NBEAL1: variants seen among roughly 807,000 people sequenced by gnomAD.
NBEAL1 encodes the protein neurobeachin like 1.
A neutral mutation model predicts 351.3 loss-of-function variants in NBEAL1; 273 were observed. That is an observed-to-expected ratio of 0.78 (90% CI 0.70 to 0.86). NBEAL1 has a LOEUF of 0.86. Among genes scored for constraint, NBEAL1 ranks in the 40% least tolerant of loss-of-function variants. The pLI, the probability that NBEAL1 is intolerant of heterozygous loss-of-function variation, is 0.00. For synonymous variants in NBEAL1, 1,050 were observed against 1,086.4 expected (o/e 0.97, Z 0.66); for missense variants, 2,961 against 3,201.3 (o/e 0.92, Z 1.81).
At chr2:203,066,776 C>T (rs1022646265) in intron 6 of NBEAL1, among the ~76,000 whole-genome samples, 42 of 144,858 alleles carry the variant, frequency 2.9e-4, no homozygotes, top group South Asian at 1.1e-3. Flanking sequence ...ACTTCCCAGA[C>T]GGGGCGGCCG....
chr2:203,165,542 C>T (rs2106392199), intron 36 of NBEAL1, among the ~76,000 whole-genome samples: 1 of 152,266 alleles, frequency 6.6e-6, no homozygotes, highest in Non-Finnish European at 1.5e-5. Flanking sequence ...CCTTATTTTT[C>T]AGCTGTCCTC....
At chr2:203,046,897 G>A (rs1401005458) in intron 3 of NBEAL1, among the ~76,000 whole-genome samples, 1 of 152,136 alleles carries the variant, frequency 6.6e-6, no homozygotes, top group African/African-American at 2.4e-5. Flanking sequence ...CATATAGGTC[G>A]GATGCAGTGG....
At chr2:203,210,671 AAAG>A (rs1354053937) in intron 53 of NBEAL1, among the ~76,000 whole-genome samples, 1 of 152,168 alleles carries the variant, frequency 6.6e-6, no homozygotes, top group East Asian at 1.9e-4. Context: ...CTCAAAAGAA[AAAG>A]AATTTTTTTC....
chr2:203,211,210 T>C, intron 54 of NBEAL1, 104 bp downstream of exon 54: 1 of 849,904 alleles, frequency 1.2e-6, no homozygotes, highest in Non-Finnish European at 1.6e-6. Context: ...TGGTTTATCA[T>C]TGATTATAAA....
chr2:203,079,227 C>T (rs1553605491), intron 8 of NBEAL1, among the ~76,000 whole-genome samples: 1 of 152,094 alleles, frequency 6.6e-6, no homozygotes, highest in Non-Finnish European at 1.5e-5. Context: ...TACAGGTGCA[C>T]ACCACCACAC....
Position 203,197,366 on chromosome 2 carries a change from T to C in NBEAL1, c.7103T>C (p.Met2368Thr). Residue 2368 changes from methionine to threonine, a missense_variant, in exon 48 of 56, where the codon ATG becomes ACG. By Grantham distance (81) the Met-to-Thr change is moderately conservative. Transcript: ENST00000683969. ...CCCAAAAATCAGTATCGTTCTTTTA[T>C]GTCTCAAGGCAGCCCTGAGTTACTG... ...TIPKNQYRSF[M>T]SQGSPELLIT... The C allele has an allele frequency of 6.2e-7, 1 of 1,603,506 alleles. No individual in the cohort carries two copies. The highest frequency in any genetic ancestry group is 8.5e-7 in the Non-Finnish European group (1 of 1,170,238).
intron 6 of NBEAL1, among the ~76,000 whole-genome samples, chr2:203,059,410 A>G (rs1164095266): frequency 6.6e-6 from 1 of 152,238 alleles, no homozygotes; most frequent in Admixed American, 6.5e-5. Context: ...GCCTCTACTC[A>G]TCAGAGCTAC....
chr2:203,117,759 A>G (rs1373697006), intron 18 of NBEAL1, among the ~76,000 whole-genome samples: 6 of 151,526 alleles, frequency 4.0e-5, no homozygotes, highest in Admixed American at 2.6e-4. Context: ...ATGGCCTACT[A>G]TGGTCTTGAA....
intron 31 of NBEAL1, among the ~76,000 whole-genome samples, chr2:203,141,384 T>TTTTTTA (rs2063376945): frequency 1.0e-5 from 1 of 95,810 alleles, no homozygotes; most frequent in Non-Finnish European, 2.1e-5. Flanking sequence ...TTTTTTTTTT[T>TTTTTTA]TTTTTTTTTT....
At chr2:203,203,875 A>G (rs902062395) in intron 51 of NBEAL1, among the ~76,000 whole-genome samples, 7 of 151,602 alleles carry the variant, frequency 4.6e-5, no homozygotes, top group Non-Finnish European at 8.8e-5. Flanking sequence ...TTATTCTTAC[A>G]TATGAACTTA....
chr2:203,211,078 G>A lies in NBEAL1; in HGVS notation c.7906G>A (p.Gly2636Arg). 6.3e-7 allele frequency: 1 copy of A among 1,585,488 alleles called. No individual in the cohort carries two copies. The highest frequency in any genetic ancestry group is 1.2e-5 in the South Asian group (1 of 85,356). The change falls in exon 54 of 56, where the codon GGA becomes AGA. Residue 2636 changes from glycine to arginine, a missense_variant. By Grantham distance (125) the Gly-to-Arg change is moderately radical. Transcript: ENST00000683969. ...GEHIVTGSIQ[G>R]FLSIRDLHSL... ...ACACATTGTCACAGGCAGCATACAA[G>A]GATTCCTGTCTATAAGAGATCTCCA... is the stretch of plus-strand genomic sequence containing the variant.
rs747186772 is a variant in NBEAL1 at position 203,209,215 on chromosome 2, C to T, written c.7678C>T (p.Arg2560Ter). 28 of 1,613,256 alleles carry T rather than the reference C, an allele frequency of 1.7e-5. No homozygotes were observed. The highest frequency in any genetic ancestry group is 4.0e-5 in the African/African-American group (3 of 74,894). ...IQKGQYMRTLRPPCESSLFLT... is the reference protein window; with the variant it reads ...IQKGQYMRTL ...GAAAGGTCAGTACATGAGGACTTTACGACCACCTTGTGAGAGTTCTCTGTT... is the reference window on the plus strand; with the variant it reads ...GAAAGGTCAGTACATGAGGACTTTATGACCACCTTGTGAGAGTTCTCTGTT... The change falls in exon 53 of 56, where the codon CGA becomes TGA. Residue 2560 changes from arginine (R) to a stop codon, truncating the protein, a stop_gained. Coordinates refer to ENST00000683969, the MANE Select transcript of NBEAL1 (RefSeq NM_001378026.1). LOFTEE classifies it high-confidence loss of function.
At chr2:203,127,029 A>T (rs1559385338) in intron 23 of NBEAL1, 103 bp downstream of exon 23, 3 of 782,306 alleles carry the variant, frequency 3.8e-6, no homozygotes, top group Non-Finnish European at 6.1e-6. Flanking sequence ...CGATTCTAGT[A>T]TGTTTTAACT....
At chr2:203,145,527 G>A (rs2063488494) in intron 33 of NBEAL1, among the ~76,000 whole-genome samples, 1 of 152,118 alleles carries the variant, frequency 6.6e-6, no homozygotes, top group Admixed American at 6.5e-5. Flanking sequence ...GCCGGGCGAG[G>A]TGGCTCACAC....
chr2:203,120,427 G>T (rs1426053084), intron 18 of NBEAL1, among the ~76,000 whole-genome samples: 1 of 152,128 alleles, frequency 6.6e-6, no homozygotes, highest in Non-Finnish European at 1.5e-5. Flanking sequence ...AATAGTGAGG[G>T]TACAAATGAG....
intron 44 of NBEAL1, among the ~76,000 whole-genome samples, chr2:203,187,796 C>G (rs978593240): frequency 6.6e-6 from 1 of 151,938 alleles, no homozygotes; most frequent in African/African-American, 2.4e-5. Flanking sequence ...ACTGCTCTCA[C>G]ACTTTATCAT....
rs199672188 is a variant in NBEAL1 at position 203,135,792 on chromosome 2, C to G, written c.3929C>G (p.Thr1310Ser). The change falls in exon 28 of 56, where the codon ACT (threonine) becomes AGT (serine). Residue 1310 changes from threonine (T) to serine (S), a missense_variant. Thr to Ser is a moderately conservative substitution (Grantham distance 58). Transcript: ENST00000683969. ...FLKAKFENGN[T>S]LHKHSRAVLM... Reference sequence around the variant, plus strand: ...AAAGCAAAATTTGAAAACGGAAATACTCTTCATAAGCACAGTAGAGCTGTT... The same window carrying G: ...AAAGCAAAATTTGAAAACGGAAATAGTCTTCATAAGCACAGTAGAGCTGTT... 1 of 1,612,214 alleles carries G rather than the reference C, an allele frequency of 6.2e-7. No individual in the cohort carries two copies. Among genetic ancestry groups the G allele is most frequent in the South Asian group, 1.1e-5 (1 of 90,686 alleles).
chr2:203,202,869 T>G, intron 51 of NBEAL1, 88 bp downstream of exon 51: 1 of 751,210 alleles, frequency 1.3e-6, no homozygotes. Flanking sequence ...ATCGAATTGT[T>G]TTCTGGCAGT....
At chr2:203,053,581 G>A (rs2061357609) in intron 4 of NBEAL1, among the ~76,000 whole-genome samples, 3 of 151,972 alleles carry the variant, frequency 2.0e-5, no homozygotes, top group Admixed American at 2.0e-4. Flanking sequence ...GAGGTGCGGT[G>A]GCATGATCAC....
Sources: gnomAD v4.1 joint callset for allele counts (sites outside exome capture counted in the v4.1 genomes callset) on GRCh38, gnomAD v4.1.1 for gene constraint, MANE v1.5 for transcripts, NCBI Gene and HGNC (gene_info 2026-07-23, HGNC 2026-07-21) for gene names.